DNAH6: variants seen among roughly 807,000 people sequenced by gnomAD.
DNAH6 encodes dynein axonemal heavy chain 6.
In DNAH6, 340 loss-of-function variants were observed where a neutral mutation model predicts 491.4. The observed-to-expected ratio is 0.69, with a 90% CI of 0.63 to 0.76. The LOEUF (loss-of-function observed/expected upper bound fraction) is 0.76, where lower values mean the gene tolerates loss of function less well. Ranked by LOEUF, DNAH6 falls within the 30% of genes least tolerant of loss-of-function variation. The pLI is 0.00. For synonymous variants in DNAH6, 1,603 were observed against 1,686.1 expected, an observed-to-expected ratio of 0.95 and a Z score of 1.21; for missense variants, 4,443 against 4,972.2, an observed-to-expected ratio of 0.89 and a Z score of 3.20.
chr2:84,515,007 A>G (rs977942247), upstream of DNAH6, among the ~76,000 whole-genome samples: 8 of 152,202 alleles, frequency 5.3e-5, no homozygotes, highest in African/African-American at 1.4e-4. Context: ...ATTTGTCTCC[A>G]TTGCATAAAC....
At chr2:84,559,374 A>G (rs1215282012) in intron 11 of DNAH6, among the ~76,000 whole-genome samples, 1 of 152,158 alleles carries the variant, frequency 6.6e-6, no homozygotes, top group African/African-American at 2.4e-5. Context: ...TGAACATTGG[A>G]TGGTGCAGAG....
At chr2:84,593,259 T>C (rs1403097853) in intron 16 of DNAH6, among the ~76,000 whole-genome samples, 1 of 152,154 alleles carries the variant, frequency 6.6e-6, no homozygotes, top group South Asian at 2.1e-4. Context: ...TCTCAATTAT[T>C]TGGAGAATAG....
intron 39 of DNAH6, 148 bp from the exon 40 acceptor site, chr2:84,672,179 G>A: frequency 1.4e-6 from 1 of 728,922 alleles, no homozygotes; most frequent in South Asian, 2.3e-5. Context: ...GGGCCAGAAG[G>A]AAGTCTCTCC....
chr2:84,555,877 T>C (rs1204212680), intron 10 of DNAH6, among the ~76,000 whole-genome samples: 3 of 152,138 alleles, frequency 2.0e-5, no homozygotes, highest in African/African-American at 7.2e-5. Context: ...TGCTGAGCCA[T>C]GGTTGCACCC....
chr2:84,538,349 G>C (rs1009809737), intron 4 of DNAH6, among the ~76,000 whole-genome samples: 3 of 152,120 alleles, frequency 2.0e-5, no homozygotes, highest in Admixed American at 6.6e-5. Flanking sequence ...ATTTGATATT[G>C]TTTTGTGATT....
chr2:84,800,594 G>A (rs1448027523), intron 70 of DNAH6, among the ~76,000 whole-genome samples: 3 of 152,014 alleles, frequency 2.0e-5, no homozygotes, highest in Admixed American at 6.6e-5. Context: ...ATCTCACTAC[G>A]GGAGTATCAA....
chr2:84,544,530 A>G, intron 5 of DNAH6, 30 bp downstream of exon 5: 1 of 1,219,486 alleles, frequency 8.2e-7, no homozygotes, highest in Non-Finnish European at 1.1e-6. Flanking sequence ...ATTTTAAAAT[A>G]ATTACTTACA....
At chr2:84,809,563 A>G (rs1390302841) in intron 72 of DNAH6, among the ~76,000 whole-genome samples, 2 of 152,130 alleles carry the variant, frequency 1.3e-5, no homozygotes, top group African/African-American at 2.4e-5. Flanking sequence ...ATTTCCTTCT[A>G]TATTGAATGA....
intron 24 of DNAH6, 44 bp downstream of exon 24, chr2:84,619,948 A>G (rs1558807317): frequency 6.8e-7 from 1 of 1,465,052 alleles, no homozygotes; most frequent in Non-Finnish European, 9.3e-7. Context: ...GAACTTTGCT[A>G]CTCCTCTAGG....
At chr2:84,724,690 G>A (rs1472231456) in intron 60 of DNAH6, among the ~76,000 whole-genome samples, 1 of 152,176 alleles carries the variant, frequency 6.6e-6, no homozygotes, top group African/African-American at 2.4e-5. Flanking sequence ...TGACTCACAT[G>A]GCTGGGCTGT....
At chr2:84,548,793 G>A (rs1237789517) in intron 8 of DNAH6, among the ~76,000 whole-genome samples, 1 of 152,196 alleles carries the variant, frequency 6.6e-6, no homozygotes, top group East Asian at 1.9e-4. Flanking sequence ...AGAGCATGAG[G>A]CCAAGGCCAA....
At position 84,546,814 on chromosome 2, in the gene DNAH6, A is replaced by G. The variant is rs990420927; in HGVS notation, c.931-454A>G. On this transcript the variant is annotated intron_variant, in intron 5 of 76. Transcript: ENST00000389394. The stretch of plus-strand genomic sequence containing the variant: ...TTTACGTTTAACCTTTTGAGAAAAC[A>G]TGAAGCAGTTTTCCAAAGCAACTTG... Among the ~76,000 whole-genome samples, 3 of 152,196 alleles carry G rather than the reference A, an allele frequency of 2.0e-5. No individual in the cohort carries two copies. In the South Asian group the frequency reaches 6.2e-4, roughly 32 times the overall value.
At chr2:84,620,242 A>C (rs1346637113) in intron 24 of DNAH6, among the ~76,000 whole-genome samples, 1 of 152,228 alleles carries the variant, frequency 6.6e-6, no homozygotes, top group Non-Finnish European at 1.5e-5. Context: ...ACTAAGTCCC[A>C]TCCCTTAATC....
intron 18 of DNAH6, among the ~76,000 whole-genome samples, chr2:84,598,003 A>C (rs1414572988): frequency 6.6e-6 from 1 of 152,104 alleles, no homozygotes; most frequent in Non-Finnish European, 1.5e-5. Context: ...AAGTAAGAGA[A>C]GCCAGTCAAA....
At chr2:84,800,709 A>G (rs997273115) in intron 70 of DNAH6, among the ~76,000 whole-genome samples, 1 of 152,174 alleles carries the variant, frequency 6.6e-6, no homozygotes. Context: ...AAAATAAAGA[A>G]AAGAGAATTT....
At chr2:84,762,109 A>G (rs1342800054) in intron 63 of DNAH6, among the ~76,000 whole-genome samples, 2 of 152,156 alleles carry the variant, frequency 1.3e-5, no homozygotes, top group African/African-American at 4.8e-5. Flanking sequence ...GGATCAGTGA[A>G]AGAACCAAAT....
intron 21 of DNAH6, 71 bp downstream of exon 21, chr2:84,607,166 T>C (rs1685850148): frequency 7.2e-7 from 1 of 1,390,328 alleles, no homozygotes; most frequent in Admixed American, 2.1e-5. Context: ...AAATTATTTG[T>C]TTCATTATTT....
intron 44 of DNAH6, among the ~76,000 whole-genome samples, chr2:84,687,232 C>G (rs1694352834): frequency 6.6e-6 from 1 of 152,216 alleles, no homozygotes; most frequent in Non-Finnish European, 1.5e-5. Flanking sequence ...TCTTCTATCT[C>G]ACTGCCCTGC....
In DNAH6 at chr2:84,681,462, C is replaced by T. The variant is rs761110547; in HGVS notation, c.6850C>T (p.Leu2284Phe). 4.4e-5 allele frequency: 68 copies of T among 1,551,194 alleles called. No individual in the cohort carries two copies. Among genetic ancestry groups the T allele is most frequent in the Non-Finnish European group, 5.5e-5 (63 of 1,146,816 alleles). Residue 2284 changes from leucine to phenylalanine, a missense_variant, in exon 42 of 77, where the codon CTC (leucine) becomes TTC (phenylalanine). Around this residue, in one of 3 missense-constraint regions of DNAH6, gnomAD observed 2,977 missense variants for 3,296.6 expected, o/e 0.90. Transcript: ENST00000389394. ...GATTTATAACAAAATGAGTGTTGACCTCCTGCCAACACCCGCCAAGTCCCA... is the reference window on the plus strand; with the variant it reads ...GATTTATAACAAAATGAGTGTTGACTTCCTGCCAACACCCGCCAAGTCCCA... ...VEIYNKMSVDLLPTPAKSHYV... is the reference protein window; with the variant it reads ...VEIYNKMSVDFLPTPAKSHYV...
Sources: allele counts gnomAD v4.1 joint callset (sites outside exome capture counted in the v4.1 genomes callset), GRCh38; gene constraint gnomAD v4.1.1; regional missense constraint gnomAD v4.1.1; transcripts MANE v1.5; gene names NCBI Gene and HGNC (gene_info 2026-07-23, HGNC 2026-07-21).